ATP1A4: variants seen among roughly 807,000 people sequenced by gnomAD.
ATP1A4 encodes ATPase Na+/K+ transporting subunit alpha 4.
Under a neutral mutation model 114.3 loss-of-function variants are expected in ATP1A4, and 90 were observed. The observed-to-expected ratio is 0.79, with a 90% CI of 0.66 to 0.94. The LOEUF (loss-of-function observed/expected upper bound fraction) is 0.94, where lower values mean the gene tolerates loss of function less well. Ranked by LOEUF, ATP1A4 falls within the 40% of genes least tolerant of loss-of-function variation. The pLI, the probability that ATP1A4 is intolerant of heterozygous loss-of-function variation, is 0.00. For missense variants in ATP1A4, 1,222 were observed against 1,313.6 expected, an observed-to-expected ratio of 0.93 and a Z score of 1.08; for synonymous variants, 511 against 494.1, an observed-to-expected ratio of 1.03 and a Z score of -0.45.
chr1:160,157,898 G>A (rs75978975), intron 4 of ATP1A4, among the ~76,000 whole-genome samples: 2,747 of 152,208 alleles, frequency 0.018, 188 homozygotes, highest in Admixed American at 0.13. Flanking sequence ...AGAATACGAC[G>A]GTAAACAGAG....
chr1:160,170,204 C>G (rs1196900860), intron 10 of ATP1A4: 1 of 152,196 alleles, frequency 6.6e-6, no homozygotes, highest in African/African-American at 2.4e-5. Flanking sequence ...GTTGGTAGAT[C>G]ACCTGAGGTC....
chr1:160,171,955 G>C (rs924420636), intron 12 of ATP1A4, among the ~76,000 whole-genome samples, 198 bp downstream of exon 12: 1 of 152,172 alleles, frequency 6.6e-6, no homozygotes. Context: ...AGAATCACCA[G>C]GGAGGCTTTA....
At chr1:160,181,102 T>C (rs1184871932) in intron 18 of ATP1A4, among the ~76,000 whole-genome samples, 1 of 152,168 alleles carries the variant, frequency 6.6e-6, no homozygotes, top group Non-Finnish European at 1.5e-5. Context: ...CTACATGCCA[T>C]CCACCGAACT....
intron 4 of ATP1A4, among the ~76,000 whole-genome samples, chr1:160,157,431 C>T (rs1422722217): frequency 2.0e-5 from 3 of 152,112 alleles, no homozygotes; most frequent in African/African-American, 7.2e-5. Flanking sequence ...TAAGTGAGAA[C>T]ATAAGGTATT....
At chr1:160,182,111 T>C (rs1024780584) in intron 20 of ATP1A4, 80 bp downstream of exon 20, 8 of 1,211,798 alleles carry the variant, frequency 6.6e-6, no homozygotes, top group Non-Finnish European at 9.8e-6. Flanking sequence ...TCACTAGGAT[T>C]GTCATGAGCC....
intron 17 of ATP1A4, among the ~76,000 whole-genome samples, chr1:160,176,899 C>T (rs1653485240): frequency 6.6e-6 from 1 of 152,236 alleles, no homozygotes; most frequent in East Asian, 1.9e-4. Flanking sequence ...GCCAGAGAGG[C>T]CTTATGCAGG....
chr1:160,173,762 C>A, intron 13 of ATP1A4, 45 bp downstream of exon 13: 2 of 1,589,510 alleles, frequency 1.3e-6, no homozygotes, highest in Non-Finnish European at 1.7e-6. Flanking sequence ...TCCCTCCATC[C>A]CCAGCCTGCC....
Position 160,159,504 on chromosome 1 carries a change from C to A in ATP1A4, c.756C>A (p.Phe252Leu). Residue 252 changes from phenylalanine (F) to leucine (L), a missense_variant, in exon 6 of 22, where the codon TTC (phenylalanine) becomes TTA (leucine). Phe to Leu is a conservative substitution (Grantham distance 22). Coordinates refer to ENST00000368081, the MANE Select transcript of ATP1A4 (RefSeq NM_144699.4). Reference sequence around the variant, plus strand: ...CTCTGGAGACCCGAAACATCTGCTTCTTTTCCACCAACTGTGTGGAAGGTG... The same window carrying A: ...CTCTGGAGACCCGAAACATCTGCTTATTTTCCACCAACTGTGTGGAAGGTG... ...ENPLETRNIC[F>L]FSTNCVEGTA... 6.2e-7 allele frequency: 1 copy of A among 1,613,696 alleles called. No homozygotes were observed. The highest frequency in any genetic ancestry group is 8.5e-7 in the Non-Finnish European group (1 of 1,179,782).
chr1:160,156,572 C>T (rs1652677789), intron 4 of ATP1A4, among the ~76,000 whole-genome samples: 1 of 152,072 alleles, frequency 6.6e-6, no homozygotes, highest in Non-Finnish European at 1.5e-5. Flanking sequence ...GGCATAGTGG[C>T]TCACGCCTGT....
intron 12 of ATP1A4, 66 bp downstream of exon 12, chr1:160,171,823 T>A (rs1049478594): frequency 4.0e-6 from 6 of 1,512,238 alleles, no homozygotes; most frequent in Admixed American, 2.0e-5. Context: ...TAGAAGGCCT[T>A]GCGCAGAGTA....
At chr1:160,155,899 A>T in intron 3 of ATP1A4, 146 bp from the exon 4 acceptor site, 1 of 589,452 alleles carries the variant, frequency 1.7e-6, no homozygotes. Flanking sequence ...GTCCCACCTC[A>T]GATTCTTCTC....
intron 20 of ATP1A4, among the ~76,000 whole-genome samples, chr1:160,185,790 G>T (rs1210773200): frequency 6.6e-6 from 1 of 151,660 alleles, no homozygotes; most frequent in South Asian, 2.1e-4. Flanking sequence ...ATGGTGGAAG[G>T]CGCCTGTAGT....
At chr1:160,183,475 T>C (rs1284611033) in intron 20 of ATP1A4, 2 of 152,230 alleles carry the variant, frequency 1.3e-5, no homozygotes, top group African/African-American at 2.4e-5. Context: ...CACCCTCTTT[T>C]CTCTGATTCC....
rs543284492 is a variant in ATP1A4 at position 160,174,145 on chromosome 1, C to A, written c.2026C>A (p.Leu676Met). The change falls in exon 14 of 22, where the codon CTG becomes ATG. Residue 676 changes from leucine to methionine, a missense_variant. Leu to Met is a conservative substitution (Grantham distance 15). Coordinates refer to ENST00000368081, the MANE Select transcript of ATP1A4 (RefSeq NM_144699.4). ...AGCCATTGTGGTGCATGGTGCAGAA[C>A]TGAAGGACATACAGTCCAAGCAGCT... ...AKAIVVHGAE[L>M]KDIQSKQLDQ... is the part of the protein sequence containing the mutation. The A allele has an allele frequency of 1.1e-5, 17 of 1,614,080 alleles. No individual in the cohort carries two copies. Among genetic ancestry groups the A allele is most frequent in the African/African-American group, 1.3e-5 (1 of 74,910 alleles).
intron 6 of ATP1A4, among the ~76,000 whole-genome samples, 173 bp downstream of exon 6, chr1:160,159,699 C>T (rs1427932356): frequency 2.6e-5 from 4 of 152,200 alleles, no homozygotes; most frequent in Non-Finnish European, 5.9e-5. Context: ...TTTCCACATT[C>T]GCACAGTGAT....
chr1:160,159,394 C>T lies in ATP1A4; in HGVS notation c.661-15C>T. 6.3e-7 allele frequency: 1 copy of T among 1,596,784 alleles called. No homozygotes were observed. Among genetic ancestry groups the T allele is most frequent in the South Asian group, 1.1e-5 (1 of 88,822 alleles). Reference sequence around the variant, plus strand: ...CCTATGCTCACCTTACAACGCGTCCCCTCTCCCATCCCAGGTGGACAACTC... The same window carrying T: ...CCTATGCTCACCTTACAACGCGTCCTCTCTCCCATCCCAGGTGGACAACTC... On this transcript the variant is annotated splice_polypyrimidine_tract_variant and intron_variant, in intron 5 of 21. Transcript: ENST00000368081.
Position 160,164,411 on chromosome 1 carries a change from T to G in ATP1A4, c.1034T>G (p.Leu345Trp), listed in dbSNP as rs1652964482. The G allele has an allele frequency of 1.9e-6, 3 of 1,614,046 alleles. No homozygotes were observed. The highest frequency in any genetic ancestry group is 2.5e-6 in the Non-Finnish European group (3 of 1,180,014). The change falls in exon 7 of 22, where the codon TTG becomes TGG. Residue 345 changes from leucine to tryptophan, a missense_variant. Physicochemically the swap from Leu to Trp is moderately conservative, Grantham distance 61 (BLOSUM62 -2). Transcript: ENST00000368081. ...GTGGCCAATGTGCCTGAGGGGCTGT[T>G]GGCCACAGTCACTGTGAGTAGACAG... Reference protein sequence around the residue: ...IIVANVPEGLLATVTVCLTLT... With the variant: ...IIVANVPEGLWATVTVCLTLT...
chr1:160,174,064 G>A, intron 13 of ATP1A4, 47 bp from the exon 14 acceptor site: 1 of 1,602,372 alleles, frequency 6.2e-7, no homozygotes. Context: ...GACCCCTGGT[G>A]AATTCTCAAC....
intron 4 of ATP1A4, among the ~76,000 whole-genome samples, chr1:160,157,835 T>C (rs554503751): frequency 6.6e-6 from 1 of 152,330 alleles, no homozygotes; most frequent in South Asian, 2.1e-4. Flanking sequence ...TTGCAACTTC[T>C]CTGAAAGTTT....
Sources: gnomAD v4.1 joint callset for allele counts (sites outside exome capture counted in the v4.1 genomes callset) on GRCh38, gnomAD v4.1.1 for gene constraint, MANE v1.5 for transcripts, NCBI Gene and HGNC (gene_info 2026-07-23, HGNC 2026-07-21) for gene names.